SYT16: variants seen among roughly 807,000 people sequenced by gnomAD.
The protein encoded by SYT16 is synaptotagmin 16, also known as synaptotagmin-16.
SYT16 carries 42 observed loss-of-function variants against 61.4 expected under a neutral mutation model. The ratio of observed to expected loss-of-function variants is 0.68; its 90% CI spans 0.53 to 0.89. The LOEUF is 0.89. SYT16 is among the 40% of genes least tolerant of loss of function. The probability of loss-of-function intolerance (pLI) is 0.00; values close to 1 mark genes in which losing one functional copy is unlikely to be tolerated. For missense variants in SYT16, 804 were observed against 807.3 expected (o/e 1.00, Z 0.05); for synonymous variants, 314 against 302.3 (o/e 1.04, Z -0.40).
intron 1 of SYT16, among the ~76,000 whole-genome samples, chr14:61,919,241 A>G (rs2049238901): frequency 6.6e-6 from 1 of 152,322 alleles, no homozygotes; most frequent in South Asian, 2.1e-4. Context: ...AAGACAGATC[A>G]TCATCTGTCC....
At chr14:62,071,211 C>T (rs575442972) in intron 4 of SYT16, among the ~76,000 whole-genome samples, 1 of 152,308 alleles carries the variant, frequency 6.6e-6, no homozygotes, top group East Asian at 1.9e-4. Flanking sequence ...TACATCACAG[C>T]ATTCCTTTCT....
chr14:61,868,320 TA>T lies in SYT16; in HGVS notation c.-325+55517del, dbSNP rs544658855. 2.4e-4 allele frequency among the ~76,000 whole-genome samples: 36 copies of T among 151,988 alleles called. No individual in the cohort carries two copies. The South Asian group carries it at 6.6e-3, about 28-fold the overall frequency. On this transcript the variant is annotated intron_variant, in intron 1 of 7. Coordinates refer to ENST00000683842, the MANE Select transcript of SYT16 (RefSeq NM_001367656.1). ...ATTTGGTTTAGATTTTTTTGTTATT[TA>T]AAAAAATTTTATTTCCTTAATTTTT...
intron 1 of SYT16, among the ~76,000 whole-genome samples, chr14:61,842,189 C>T (rs917469778): frequency 6.6e-6 from 1 of 152,130 alleles, no homozygotes; most frequent in African/African-American, 2.4e-5. Context: ...AACAATCTAA[C>T]TATACTCTTT....
chr14:61,892,749 G>A (rs1270866589), intron 1 of SYT16, among the ~76,000 whole-genome samples: 1 of 152,172 alleles, frequency 6.6e-6, no homozygotes, highest in Non-Finnish European at 1.5e-5. Context: ...CAGAGTGCTG[G>A]AGAAGGGGAA....
At chr14:62,084,077 G>A (rs1298986143) in intron 6 of SYT16, 119 bp from the exon 7 acceptor site, 4 of 1,246,456 alleles carry the variant, frequency 3.2e-6, no homozygotes, top group African/African-American at 1.6e-5. Context: ...TGCGCCCTTA[G>A]TCATCTTTGG....
At chr14:61,927,536 T>G (rs918481870) in intron 1 of SYT16, among the ~76,000 whole-genome samples, 4 of 152,228 alleles carry the variant, frequency 2.6e-5, no homozygotes, top group Non-Finnish European at 5.9e-5. Context: ...TTTATCAGGA[T>G]GATAATTTTT....
intron 1 of SYT16, among the ~76,000 whole-genome samples, chr14:61,857,266 A>G (rs984196355): frequency 1.3e-5 from 2 of 152,018 alleles, no homozygotes; most frequent in African/African-American, 2.4e-5. Flanking sequence ...TTTTCTTGAG[A>G]GTGTTAACTC....
chr14:61,912,164 A>G (rs573944944), intron 1 of SYT16, among the ~76,000 whole-genome samples: 68 of 152,332 alleles, frequency 4.5e-4, no homozygotes, highest in African/African-American at 1.5e-3. Context: ...CTCTGGGTAC[A>G]TGTCCCATGC....
intron 1 of SYT16, among the ~76,000 whole-genome samples, chr14:61,927,642 A>G (rs2049589512): frequency 6.6e-6 from 1 of 152,342 alleles, no homozygotes. Context: ...TGTAATAGCT[A>G]TCATGGTGAG....
chr14:61,836,152 G>A (rs1198516249), intron 1 of SYT16, among the ~76,000 whole-genome samples: 1 of 152,204 alleles, frequency 6.6e-6, no homozygotes, highest in East Asian at 1.9e-4. Context: ...GCTTATCTTT[G>A]TATAACCCAG....
At chr14:62,053,211 C>T (rs1423079482) in intron 3 of SYT16, among the ~76,000 whole-genome samples, 24 of 152,140 alleles carry the variant, frequency 1.6e-4, no homozygotes, top group Admixed American at 1.6e-3. Flanking sequence ...ACAGTAAAGT[C>T]CATTCTGATG....
intron 3 of SYT16, among the ~76,000 whole-genome samples, chr14:62,006,900 T>A (rs576058304): frequency 6.6e-6 from 1 of 152,286 alleles, no homozygotes; most frequent in Admixed American, 6.5e-5. Flanking sequence ...ATGGAATTAA[T>A]GTGTTCCAAG....
At chr14:61,985,049 A>G (rs2052243475) in intron 2 of SYT16, among the ~76,000 whole-genome samples, 1 of 152,164 alleles carries the variant, frequency 6.6e-6, no homozygotes, top group Non-Finnish European at 1.5e-5. Context: ...ATGGGATCCC[A>G]AGAGGATCTG....
rs1441433703 is a variant in SYT16, at chr14:62,109,336, T to C, written c.*8629T>C. The C allele has an allele frequency of 1.3e-5, 2 of 152,104 alleles. No homozygotes were observed. The highest frequency in any genetic ancestry group is 2.4e-5 in the African/African-American group (1 of 41,424). The allele number at this position is 152,104 out of a possible 1,614,324, so 9.4% of individuals were successfully genotyped here. A position where few individuals can be genotyped will look rare whatever the true frequency, so the allele number is the denominator to read the frequency against. Reference sequence around the variant, plus strand: ...TAGTCATGTAAGTTTTCATGTCTTTTTATGGCTTGATAGTTCATTTATTTT... The same window carrying C: ...TAGTCATGTAAGTTTTCATGTCTTTCTATGGCTTGATAGTTCATTTATTTT... On this transcript the variant is annotated 3_prime_UTR_variant, in exon 8 of 8. Transcript: ENST00000683842.
At chr14:61,934,287 C>T (rs2049891996) in intron 1 of SYT16, among the ~76,000 whole-genome samples, 1 of 151,720 alleles carries the variant, frequency 6.6e-6, no homozygotes, top group African/African-American at 2.4e-5. Context: ...TTTTTTTGTA[C>T]CTATATGTAA....
intron 1 of SYT16, among the ~76,000 whole-genome samples, chr14:61,907,332 A>T (rs577306475): frequency 4.5e-4 from 68 of 152,266 alleles, no homozygotes; most frequent in Non-Finnish European, 8.2e-4. Flanking sequence ...ATTACCAATG[A>T]AAATGTACTT....
At chr14:61,836,271 G>A (rs1157451510) in intron 1 of SYT16, among the ~76,000 whole-genome samples, 4 of 152,306 alleles carry the variant, frequency 2.6e-5, no homozygotes, top group East Asian at 1.9e-4. Flanking sequence ...CTGCACCTGC[G>A]TGTGTTTATT....
chr14:62,003,144 A>G (rs948181443), intron 3 of SYT16, among the ~76,000 whole-genome samples: 1 of 152,008 alleles, frequency 6.6e-6, no homozygotes, highest in Non-Finnish European at 1.5e-5. Context: ...CCCTTCCCCA[A>G]GTGGCCTAAG....
intron 1 of SYT16, among the ~76,000 whole-genome samples, chr14:61,855,196 A>G (rs2046736893): frequency 6.6e-6 from 1 of 152,196 alleles, no homozygotes; most frequent in Non-Finnish European, 1.5e-5. Flanking sequence ...AATCTATTTA[A>G]TGCTATCTGA....
Sources: gnomAD v4.1 joint callset for allele counts (sites outside exome capture counted in the v4.1 genomes callset) on GRCh38, gnomAD v4.1.1 for gene constraint, MANE v1.5 for transcripts, NCBI Gene and HGNC (gene_info 2026-07-23, HGNC 2026-07-21) for gene names.